Variants in ZNF672 observed in about 807,000 individuals in gnomAD.
The protein encoded by ZNF672 is zinc finger protein 672, also known as hypothetical protein FLJ22301.
For missense variants in ZNF672, 733 were observed against 701.1 expected, an observed-to-expected ratio of 1.05 and a Z score of -0.51; for synonymous variants, 358 against 305.6, an observed-to-expected ratio of 1.17 and a Z score of -1.79.
intron 2 of ZNF672, 48 bp from the exon 3 acceptor site, chr1:248,845,518 C>T (rs920249184): frequency 6.6e-6 from 1 of 152,116 alleles, no homozygotes; most frequent in African/African-American, 2.4e-5. Flanking sequence ...TTCCCCTGCT[C>T]AGTTGTAATT....
chr1:248,841,308 G>A (rs927375378), intron 1 of ZNF672, among the ~76,000 whole-genome samples: 1 of 152,228 alleles, frequency 6.6e-6, no homozygotes, highest in African/African-American at 2.4e-5. Context: ...CAGGGAAGGT[G>A]TGAAAGACCT....
rs1572201404 is a variant in ZNF672, at chr1:248,848,820, C to T, written c.*187C>T. On this transcript the variant is annotated 3_prime_UTR_variant, in exon 4 of 4. Coordinates refer to ENST00000306562, the MANE Select transcript of ZNF672 (RefSeq NM_024836.3). Reference sequence around the variant, plus strand: ...CTCGCCTCTACACCTACTACCCTGTCGGCCCTTTTGCCATGCTGTCCTCGT... The same window carrying T: ...CTCGCCTCTACACCTACTACCCTGTTGGCCCTTTTGCCATGCTGTCCTCGT... The T allele has an allele frequency of 2.2e-6, 2 of 894,356 alleles. No individual in the cohort carries two copies. The highest frequency in any genetic ancestry group is 3.6e-6 in the Non-Finnish European group (2 of 548,714). The allele number at this position is 894,356 out of a possible 1,614,324, so 55.4% of individuals were successfully genotyped here. A position where few individuals can be genotyped will look rare whatever the true frequency, so the allele number is the denominator to read the frequency against.
At chr1:248,838,906 G>C (rs879430300) in intron 1 of ZNF672, 2 of 152,246 alleles carry the variant, frequency 1.3e-5, no homozygotes, top group African/African-American at 4.8e-5. Context: ...TTTGGTGCCC[G>C]GTCTCGCCCT....
intron 1 of ZNF672, chr1:248,838,880 C>T (rs1398630446): frequency 6.6e-6 from 1 of 152,244 alleles, no homozygotes. Context: ...CAGCGTTAAA[C>T]GTTCCCCACT....
intron 3 of ZNF672, among the ~76,000 whole-genome samples, chr1:248,846,593 G>C (rs1359217779): frequency 1.3e-5 from 2 of 152,148 alleles, no homozygotes; most frequent in Non-Finnish European, 2.9e-5. Flanking sequence ...TGTTCTTCCA[G>C]CCCAAGTCTG....
rs960747382 is a variant in ZNF672 at position 248,849,051 on chromosome 1, C to T, written c.*418C>T. The T allele has an allele frequency of 1.8e-5, 9 of 488,042 alleles. No individual in the cohort carries two copies. The highest frequency in any genetic ancestry group is 3.2e-4 in the Middle Eastern group (1 of 3,166). The allele number at this position is 488,042 out of a possible 1,614,324, so 30.2% of individuals were successfully genotyped here. A position where few individuals can be genotyped will look rare whatever the true frequency, so the allele number is the denominator to read the frequency against. The stretch of plus-strand genomic sequence containing the variant: ...TCCTTTCCTGATTACTTTTGTTGTC[C>T]TGCCTCTTCAGGTAATGGTCACAGA... On this transcript the variant is annotated 3_prime_UTR_variant, in exon 4 of 4. Transcript: ENST00000306562.
rs1428494778 is a variant in ZNF672, at chr1:248,849,022, C to A, written c.*389C>A. 1 of 511,382 alleles carries A rather than the reference C, an allele frequency of 2.0e-6. No homozygotes were observed. Among genetic ancestry groups the A allele is most frequent in the Admixed American group, 2.3e-5 (1 of 43,682 alleles). The allele number at this position is 511,382 out of a possible 1,614,324, so 31.7% of individuals were successfully genotyped here. A position where few individuals can be genotyped will look rare whatever the true frequency, so the allele number is the denominator to read the frequency against. On this transcript the variant is annotated 3_prime_UTR_variant, in exon 4 of 4. Coordinates refer to ENST00000306562, the MANE Select transcript of ZNF672 (RefSeq NM_024836.3). ...TGTCCTATCTCATTCCAGCCCACAT[C>A]TTCTCCTTTCCTGATTACTTTTGTT... is the stretch of plus-strand genomic sequence containing the variant.
rs535970692 is a variant in ZNF672 at position 248,841,016 on chromosome 1, G to T, written c.-475+2465G>T. 2.2e-4 allele frequency among the ~76,000 whole-genome samples: 33 copies of T among 151,266 alleles called. No homozygotes were observed. In the South Asian group the frequency reaches 6.7e-3, roughly 31 times the overall value. On this transcript the variant is annotated intron_variant, in intron 1 of 3. Transcript: ENST00000306562. ...CAGTGGGCAGTGCCGTTCAGGGTACGATGACTGTAGTCAGAGTATTTGTAT... is the reference window on the plus strand; with the variant it reads ...CAGTGGGCAGTGCCGTTCAGGGTACTATGACTGTAGTCAGAGTATTTGTAT...
At chr1:248,846,842 C>T (rs1664767924) in intron 3 of ZNF672, among the ~76,000 whole-genome samples, 1 of 152,168 alleles carries the variant, frequency 6.6e-6, no homozygotes, top group Admixed American at 6.5e-5. Context: ...GTTTGTTCTC[C>T]AGGACACTTG....
intron 2 of ZNF672, among the ~76,000 whole-genome samples, chr1:248,845,187 G>A (rs866800109): frequency 5.3e-5 from 8 of 152,206 alleles, no homozygotes; most frequent in Non-Finnish European, 1.2e-4. Context: ...CCTCGAATCC[G>A]AGAGGCAGAG....
chr1:248,848,048 C>G lies in ZNF672; in HGVS notation c.774C>G (p.Gly258=), dbSNP rs751418891. ...CGGGCGAGAAGCCGTACGCATGTGGCGACTGTGGACGCTGCTTCAGCGAGA... is the reference window on the plus strand; with the variant it reads ...CGGGCGAGAAGCCGTACGCATGTGGGGACTGTGGACGCTGCTTCAGCGAGA... ...THTGEKPYAC[G]DCGRCFSESS... Residue 258 remains glycine, a synonymous_variant, in exon 4 of 4, where the codon GGC becomes GGG. Coordinates refer to ENST00000306562, the MANE Select transcript of ZNF672 (RefSeq NM_024836.3). 1.1e-5 allele frequency: 17 copies of G among 1,550,098 alleles called. No homozygotes were observed. The highest frequency in any genetic ancestry group is 1.5e-5 in the Non-Finnish European group (17 of 1,147,398).
rs1019535573 is a variant in ZNF672 at position 248,847,504 on chromosome 1, A to C, written c.230A>C (p.Gln77Pro). 2 of 1,598,108 alleles carry C rather than the reference A, an allele frequency of 1.3e-6. No homozygotes were observed. The highest frequency in any genetic ancestry group is 1.7e-6 in the Non-Finnish European group (2 of 1,172,914). ...QTLYICSECG[Q>P]SFRHSGRLDL... ...CTCTACATCTGCAGTGAGTGCGGAC[A>C]AAGCTTCCGCCACAGCGGCCGTCTT... The change falls in exon 4 of 4, where the codon CAA becomes CCA. Residue 77 changes from glutamine (Q) to proline (P), a missense_variant. Transcript: ENST00000306562.
In ZNF672 at chr1:248,847,547, A is replaced by G; in HGVS notation, c.273A>G (p.Ala91=). ...GCCGTCTTGACCTACACTTGGGCGC[A>G]CACCGGCAGCGATGCCGCACTTGCC... is the stretch of plus-strand genomic sequence containing the variant. ...HSGRLDLHLG[A]HRQRCRTCPC... The change falls in exon 4 of 4, where the codon GCA becomes GCG. Residue 91 remains alanine (A), a synonymous_variant. Coordinates refer to ENST00000306562, the MANE Select transcript of ZNF672 (RefSeq NM_024836.3). 1 of 1,589,622 alleles carries G rather than the reference A, an allele frequency of 6.3e-7. No homozygotes were observed. Among genetic ancestry groups the G allele is most frequent in the Non-Finnish European group, 8.5e-7 (1 of 1,169,940 alleles).
In ZNF672 at chr1:248,847,795, GC is replaced by G; in HGVS notation, c.522del (p.Ser174ArgfsTer41). The G allele has an allele frequency of 1.9e-6, 3 of 1,540,432 alleles. No homozygotes were observed. Among genetic ancestry groups the G allele is most frequent in the Non-Finnish European group, 2.6e-6 (3 of 1,146,192 alleles). ...RCAQCPRAFR[S>X]GAGLRSHARI... is the part of the protein sequence containing the mutation. ...GCGCAGTGCCCGCGAGCCTTCCGAA[GC>G]GGCGCCGGGCTGCGGAGTCACGCGC... On this transcript the variant is annotated frameshift_variant, in exon 4 of 4. Coordinates refer to ENST00000306562, the MANE Select transcript of ZNF672 (RefSeq NM_024836.3). LOFTEE classifies it low-confidence loss of function (END_TRUNC).
intron 1 of ZNF672, chr1:248,842,830 C>G (rs1664701075): frequency 6.6e-6 from 1 of 152,332 alleles, no homozygotes; most frequent in Non-Finnish European, 1.5e-5. Flanking sequence ...CCTGATGCAG[C>G]TACAACTCCC....
At chr1:248,844,350 G>C (rs1381854565) in intron 1 of ZNF672, 133 bp from the exon 2 acceptor site, 3 of 151,952 alleles carry the variant, frequency 2.0e-5, no homozygotes, top group African/African-American at 7.3e-5. Flanking sequence ...AAACTTTCCT[G>C]TACTTTTTTT....
In ZNF672 at chr1:248,847,291, G is replaced by T; in HGVS notation, c.17G>T (p.Gly6Val). MFATS[G>V]AVAAGKPYSC... ...GTCCTCACCATGTTTGCCACATCTG[G>T]GGCAGTGGCAGCGGGGAAGCCTTAC... Residue 6 changes from glycine to valine, a missense_variant, in exon 4 of 4, where the codon GGG becomes GTG. Coordinates refer to ENST00000306562, the MANE Select transcript of ZNF672 (RefSeq NM_024836.3). 3 of 1,602,182 alleles carry T rather than the reference G, an allele frequency of 1.9e-6. No individual in the cohort carries two copies. The highest frequency in any genetic ancestry group is 2.6e-6 in the Non-Finnish European group (3 of 1,169,844).
Position 248,847,622 on chromosome 1 carries a change from A to G in ZNF672, c.348A>G (p.Leu116=), listed in dbSNP as rs1307993245. 2.0e-6 allele frequency: 3 copies of G among 1,524,186 alleles called. No individual in the cohort carries two copies. Among genetic ancestry groups the G allele is most frequent in the East Asian group, 4.9e-5 (2 of 40,450 alleles). 94.4% of individuals were successfully genotyped at this position (1,524,186 alleles called of 1,614,324 possible). Residue 116 remains leucine, a synonymous_variant, in exon 4 of 4, where the codon CTA becomes CTG. Transcript: ENST00000306562. The stretch of plus-strand genomic sequence containing the variant: ...TCCCGCACCTCCCGGCGCTGCTGCT[A>G]CACCGGCGCCGCCAGCATCTGCCAG... ...RRFPHLPALL[L]HRRRQHLPER...
chr1:248,847,681 C>A lies in ZNF672; in HGVS notation c.407C>A (p.Thr136Asn), dbSNP rs774214722. ...CGCCGCTGCCCGCTGTGCGCCCGCACCTTCCGGCAGAGCGCGCTGCTCTTC... is the reference window on the plus strand; with the variant it reads ...CGCCGCTGCCCGCTGTGCGCCCGCAACTTCCGGCAGAGCGCGCTGCTCTTC... ...RPRRCPLCARTFRQSALLFHQ... is the reference protein window; with the variant it reads ...RPRRCPLCARNFRQSALLFHQ... The change falls in exon 4 of 4, where the codon ACC (threonine) becomes AAC (asparagine). Residue 136 changes from threonine to asparagine, a missense_variant. Transcript: ENST00000306562. 1.4e-4 allele frequency: 204 copies of A among 1,478,106 alleles called. No homozygotes were observed. Among genetic ancestry groups the A allele is most frequent in the Non-Finnish European group, 1.7e-4 (193 of 1,120,262 alleles). 91.6% of individuals were successfully genotyped at this position (1,478,106 alleles called of 1,614,324 possible). A position where few individuals can be genotyped will look rare whatever the true frequency, so the allele number is the denominator to read the frequency against.
Sources: allele counts gnomAD v4.1 joint callset (sites outside exome capture counted in the v4.1 genomes callset), GRCh38; gene constraint gnomAD v4.1.1; transcripts MANE v1.5; gene names NCBI Gene and HGNC (gene_info 2026-07-23, HGNC 2026-07-21).